Variants in TRIM37 observed in about 807,000 individuals in gnomAD.
The protein encoded by TRIM37 is tripartite motif containing 37, also known as E3 ubiquitin-protein ligase TRIM37.
Under a neutral mutation model 129.8 loss-of-function variants are expected in TRIM37, and 80 were observed. The ratio of observed to expected loss-of-function variants is 0.62; its 90% CI spans 0.51 to 0.74. The LOEUF (loss-of-function observed/expected upper bound fraction) is 0.74, where lower values mean the gene tolerates loss of function less well. Among genes scored for constraint, TRIM37 ranks in the 30% least tolerant of loss-of-function variants. The pLI is 0.00. For synonymous variants in TRIM37, 389 were observed against 387.1 expected (o/e 1.00, Z -0.06); for missense variants, 1,054 against 1,176.5 (o/e 0.90, Z 1.52).
Position 58,999,221 on chromosome 17 carries a change from T to C in TRIM37, c.*156A>G. On this transcript the variant is annotated 3_prime_UTR_variant, in exon 24 of 24. Coordinates refer to ENST00000262294, the MANE Select transcript of TRIM37 (RefSeq NM_015294.6). Reference sequence around the variant, plus strand: ...ACTACTGCTGTCTTAGACTAAACTGTGCCACCTTCCAACAGTTTCCAAATT... The same window carrying C: ...ACTACTGCTGTCTTAGACTAAACTGCGCCACCTTCCAACAGTTTCCAAATT... 1 of 1,537,674 alleles carries C rather than the reference T, an allele frequency of 6.5e-7. No homozygotes were observed. Among genetic ancestry groups the C allele is most frequent in the Non-Finnish European group, 8.7e-7 (1 of 1,144,584 alleles).
chr17:59,068,157 T>TGGAGAAAG (rs1376073884), intron 9 of TRIM37, among the ~76,000 whole-genome samples: 4 of 152,218 alleles, frequency 2.6e-5, no homozygotes, highest in Non-Finnish European at 5.9e-5. Context: ...TGAGCATTAC[T>TGGAGAAAG]GGAGAAAGAG....
chr17:59,063,522 T>C (rs2041679211), intron 10 of TRIM37, among the ~76,000 whole-genome samples: 1 of 152,196 alleles, frequency 6.6e-6, no homozygotes, highest in Non-Finnish European at 1.5e-5. Context: ...ATTTGGAGTT[T>C]CTCTCCTGAA....
intron 2 of TRIM37, among the ~76,000 whole-genome samples, chr17:59,098,258 CAG>C (rs1029760778): frequency 6.6e-6 from 1 of 152,140 alleles, no homozygotes; most frequent in African/African-American, 2.4e-5. Context: ...TTATCAAGTA[CAG>C]AGTTTCAGTT....
At chr17:59,042,445 AAAAAATATAT>A (rs2039327093) in intron 16 of TRIM37, among the ~76,000 whole-genome samples, 3 of 40,254 alleles carry the variant, frequency 7.5e-5, no homozygotes, top group East Asian at 3.1e-3. Flanking sequence ...AAAAAAAAAA[AAAAAATATAT>A]ATATATATAT....
intron 17 of TRIM37, among the ~76,000 whole-genome samples, chr17:59,037,912 T>C (rs1159504884): frequency 6.6e-6 from 1 of 152,168 alleles, no homozygotes; most frequent in East Asian, 1.9e-4. Context: ...TGTCTGAAAG[T>C]ATGTCAAATA....
At chr17:59,049,067 C>T in intron 15 of TRIM37, 111 bp downstream of exon 15, 1 of 849,004 alleles carries the variant, frequency 1.2e-6, no homozygotes, top group Non-Finnish European at 1.9e-6. Flanking sequence ...TAATGGAAAT[C>T]AATGGACAAT....
intron 13 of TRIM37, among the ~76,000 whole-genome samples, chr17:59,053,562 CT>C (rs1360467534): frequency 6.6e-6 from 1 of 151,648 alleles, no homozygotes; most frequent in East Asian, 1.9e-4. Context: ...CTCAATGTTG[CT>C]TAAAAAAAAT....
At chr17:59,064,768 A>G (rs1010708712) in intron 9 of TRIM37, among the ~76,000 whole-genome samples, 1 of 152,148 alleles carries the variant, frequency 6.6e-6, no homozygotes, top group African/African-American at 2.4e-5. Context: ...AAAATTACCC[A>G]GATGTGGTGG....
chr17:59,071,127 C>T (rs2042324309), intron 8 of TRIM37, among the ~76,000 whole-genome samples, 180 bp from the exon 9 acceptor site: 2 of 152,056 alleles, frequency 1.3e-5, no homozygotes, highest in South Asian at 2.1e-4. Flanking sequence ...AATATTCTAA[C>T]AGTAAAGTCA....
chr17:58,982,954 A>G (rs184147603), intron 24 of TRIM37: 4 of 1,559,266 alleles, frequency 2.6e-6, no homozygotes, highest in Middle Eastern at 1.7e-4. Context: ...GCAGCAGACT[A>G]TTGGTACACA....
At chr17:59,039,387 C>T (rs1599073707) in intron 17 of TRIM37, among the ~76,000 whole-genome samples, 6 of 149,766 alleles carry the variant, frequency 4.0e-5, no homozygotes, top group Middle Eastern at 7.5e-3. Context: ...CGCTCTGTCA[C>T]CCAGGTTGGA....
At chr17:59,021,880 A>G (rs2036642899) in intron 19 of TRIM37, among the ~76,000 whole-genome samples, 1 of 152,124 alleles carries the variant, frequency 6.6e-6, no homozygotes, top group African/African-American at 2.4e-5. Flanking sequence ...CATATATCCT[A>G]TAAATATATA....
chr17:59,074,754 CA>C (rs1171808205), intron 8 of TRIM37, among the ~76,000 whole-genome samples: 1 of 152,128 alleles, frequency 6.6e-6, no homozygotes, highest in Non-Finnish European at 1.5e-5. Context: ...AGAGAAATTA[CA>C]AAAAGCAAAT....
chr17:58,981,220 G>A (rs2031339809), downstream of TRIM37: 2 of 540,804 alleles, frequency 3.7e-6, no homozygotes, highest in South Asian at 2.8e-5. Context: ...AGTATTGGCA[G>A]TTTCACTTGC....
chr17:59,068,859 C>T (rs553972718), intron 9 of TRIM37, among the ~76,000 whole-genome samples: 18 of 152,118 alleles, frequency 1.2e-4, no homozygotes, highest in African/African-American at 4.3e-4. Flanking sequence ...TGATTTTGTC[C>T]CCAAGGACAT....
At chr17:58,982,787 C>T in exon 25 of TRIM37, 1 of 802,664 alleles carries the variant, frequency 1.2e-6, no homozygotes, top group Non-Finnish European at 2.0e-6. Context: ...TCAACATGGC[C>T]CCAACTATAG....
chr17:59,041,819 G>A lies in TRIM37; in HGVS notation c.1747C>T (p.Pro583Ser). ...AGTGGAGTGACCTCATTACCTGCGGGTCCTGCAGCAGCTGCATCTTCCATG... is the reference window on the plus strand; with the variant it reads ...AGTGGAGTGACCTCATTACCTGCGGATCCTGCAGCAGCTGCATCTTCCATG... The part of the protein sequence containing the change: ...ELMEDAAAAG[P>S]AGSSHGYVGS... Residue 583 changes from proline (P) to serine (S), a missense_variant, in exon 17 of 24, where the codon CCC (proline) becomes TCC (serine). Coordinates refer to ENST00000262294, the MANE Select transcript of TRIM37 (RefSeq NM_015294.6). 6.2e-7 allele frequency: 1 copy of A among 1,613,242 alleles called. No individual in the cohort carries two copies. The highest frequency in any genetic ancestry group is 8.5e-7 in the Non-Finnish European group (1 of 1,179,268).
At position 58,998,635 on chromosome 17, in the gene TRIM37, G is replaced by A. The variant is rs1459234067; in HGVS notation, c.*742C>T. Reference sequence around the variant, plus strand: ...GCTTTAAAATATTTGTTGCACTACAGTCGTATAGTAAGAGGCAGAAAAAAA... The same window carrying A: ...GCTTTAAAATATTTGTTGCACTACAATCGTATAGTAAGAGGCAGAAAAAAA... On this transcript the variant is annotated 3_prime_UTR_variant, in exon 24 of 24. Coordinates refer to ENST00000262294, the MANE Select transcript of TRIM37 (RefSeq NM_015294.6). 3.7e-5 allele frequency: 36 copies of A among 985,218 alleles called. No individual in the cohort carries two copies. Among genetic ancestry groups the A allele is most frequent in the Non-Finnish European group, 4.3e-5 (36 of 829,870 alleles). The allele number at this position is 985,218 out of a possible 1,614,324, so 61.0% of individuals were successfully genotyped here.
chr17:59,048,127 T>C (rs576712891), intron 15 of TRIM37, among the ~76,000 whole-genome samples: 1 of 152,178 alleles, frequency 6.6e-6, no homozygotes, highest in South Asian at 2.1e-4. Flanking sequence ...TCTACCTAAT[T>C]TTACCATTAT....
Sources: allele counts gnomAD v4.1 joint callset (sites outside exome capture counted in the v4.1 genomes callset), GRCh38; gene constraint gnomAD v4.1.1; transcripts MANE v1.5; gene names NCBI Gene and HGNC (gene_info 2026-07-23, HGNC 2026-07-21).